Variants in KCNB2 observed in about 807,000 individuals in gnomAD.
KCNB2 encodes the protein delayed rectifier potassium channel protein.
Under a neutral mutation model 61.5 loss-of-function variants are expected in KCNB2, and 15 were observed. The observed-to-expected ratio is 0.24, with a 90% CI of 0.16 to 0.38. The LOEUF (loss-of-function observed/expected upper bound fraction) is 0.38. Ranked by LOEUF, KCNB2 falls within the 10% of genes least tolerant of loss-of-function variation. The pLI is 1.00. For synonymous variants in KCNB2, 457 were observed against 446.0 expected (o/e 1.02, Z -0.31); for missense variants, 828 against 1,125.2 (o/e 0.74, Z 3.78).
At chr8:72,882,767 T>C (rs745423019) in intron 2 of KCNB2, among the ~76,000 whole-genome samples, 10 of 152,108 alleles carry the variant, frequency 6.6e-5, no homozygotes, top group Non-Finnish European at 1.2e-4. Flanking sequence ...GCTTGCTTCA[T>C]GTTGCTCTTG....
At chr8:72,856,622 CATT>C (rs1288530708) in intron 2 of KCNB2, among the ~76,000 whole-genome samples, 1 of 152,122 alleles carries the variant, frequency 6.6e-6, no homozygotes, top group African/African-American at 2.4e-5. Context: ...AGTATTGTAT[CATT>C]ATTACCTGAA....
intron 2 of KCNB2, among the ~76,000 whole-genome samples, chr8:72,882,555 G>T (rs949954206): frequency 6.6e-6 from 1 of 150,394 alleles, no homozygotes; most frequent in Admixed American, 6.7e-5. Flanking sequence ...GAGAGAGAGA[G>T]AATGTGTGTC....
chr8:72,938,140 T>A lies in KCNB2; in HGVS notation c.*49T>A. Reference sequence around the variant, plus strand: ...AAACAAAACAAAACAAAACAAAACTTGTTTCTTAAAAATGCGGTTAATAAT... The same window carrying A: ...AAACAAAACAAAACAAAACAAAACTAGTTTCTTAAAAATGCGGTTAATAAT... On this transcript the variant is annotated 3_prime_UTR_variant, in exon 3 of 3. Coordinates refer to ENST00000523207, the MANE Select transcript of KCNB2 (RefSeq NM_004770.3). The A allele has an allele frequency of 6.9e-7, 1 of 1,442,272 alleles. No individual in the cohort carries two copies. Among genetic ancestry groups the A allele is most frequent in the Non-Finnish European group, 9.4e-7 (1 of 1,060,308 alleles). 89.3% of individuals were successfully genotyped at this position (1,442,272 alleles called of 1,614,324 possible). A position where few individuals can be genotyped will look rare whatever the true frequency, so the allele number is the denominator to read the frequency against.
intron 2 of KCNB2, among the ~76,000 whole-genome samples, chr8:72,749,099 A>G (rs1808137426): frequency 6.6e-6 from 1 of 152,050 alleles, no homozygotes; most frequent in South Asian, 2.1e-4. Flanking sequence ...TTCTACTCTG[A>G]CCAATCATTT....
chr8:72,703,002 G>A (rs1454181172), intron 2 of KCNB2, among the ~76,000 whole-genome samples: 13 of 152,172 alleles, frequency 8.5e-5, no homozygotes, highest in South Asian at 2.1e-4. Flanking sequence ...GACCACTTCC[G>A]CAGCCCATTT....
intron 2 of KCNB2, among the ~76,000 whole-genome samples, chr8:72,889,756 C>A (rs1805866028): frequency 6.6e-6 from 1 of 151,916 alleles, no homozygotes; most frequent in Non-Finnish European, 1.5e-5. Flanking sequence ...TCTTGGCACC[C>A]AAACTCCATT....
chr8:72,904,361 A>T (rs1803962269), intron 2 of KCNB2, among the ~76,000 whole-genome samples: 1 of 152,094 alleles, frequency 6.6e-6, no homozygotes, highest in Non-Finnish European at 1.5e-5. Flanking sequence ...AATTTTTTTA[A>T]CACAGGGGGT....
At chr8:72,573,665 T>C (rs1292193365) in intron 2 of KCNB2, among the ~76,000 whole-genome samples, 2 of 151,386 alleles carry the variant, frequency 1.3e-5, no homozygotes, top group East Asian at 3.9e-4. Context: ...TACCGTGCAG[T>C]GCTCTTCTCT....
chr8:72,808,287 A>G (rs1017966195), intron 2 of KCNB2, among the ~76,000 whole-genome samples: 101 of 152,340 alleles, frequency 6.6e-4, no homozygotes, highest in African/African-American at 2.4e-3. Flanking sequence ...ATCTAAATAT[A>G]TATAATAATC....
intron 2 of KCNB2, among the ~76,000 whole-genome samples, chr8:72,621,271 C>G (rs531396909): frequency 6.6e-6 from 1 of 152,316 alleles, no homozygotes; most frequent in South Asian, 2.1e-4. Flanking sequence ...CAAGAAGCTT[C>G]TGCCATCTGG....
chr8:72,546,527 A>AT (rs1806260972), intron 1 of KCNB2, among the ~76,000 whole-genome samples: 1 of 152,020 alleles, frequency 6.6e-6, no homozygotes. Context: ...AAAAAAAAAA[A>AT]AAAAGTGCAA....
In KCNB2 at chr8:72,683,873, A is replaced by C. The variant is rs138485042; in HGVS notation, c.579+115560A>C. On this transcript the variant is annotated intron_variant, in intron 2 of 2. Transcript: ENST00000523207. ...AATTAACTCATTAGGAGGCCACGGA[A>C]GATGGGGTTGGAAACGTTGGCAGGA... 1.4e-3 allele frequency among the ~76,000 whole-genome samples: 214 copies of C among 152,290 alleles called. 1 individual carries two copies. The highest frequency in any genetic ancestry group is 4.9e-3 in the African/African-American group (205 of 41,566).
At chr8:72,823,196 G>A (rs938324000) in intron 2 of KCNB2, among the ~76,000 whole-genome samples, 3 of 152,102 alleles carry the variant, frequency 2.0e-5, no homozygotes, top group South Asian at 4.2e-4. Context: ...CTTGAATAGC[G>A]TATGTTTGCT....
chr8:72,901,518 A>C (rs890364756), intron 2 of KCNB2, among the ~76,000 whole-genome samples: 31 of 152,152 alleles, frequency 2.0e-4, no homozygotes, highest in African/African-American at 7.2e-4. Context: ...TTTTTCACTT[A>C]GTGAATACCA....
In KCNB2 at chr8:72,938,323, A is replaced by G; in HGVS notation, c.*232A>G. On this transcript the variant is annotated 3_prime_UTR_variant, in exon 3 of 3. Transcript: ENST00000523207. ...AAAAATGACTGAAGAACAGTGAACA[A>G]ATAAAAAGAGCTCTATTAGGAACCA... 2.2e-6 allele frequency: 1 copy of G among 457,018 alleles called. No homozygotes were observed. Among genetic ancestry groups the G allele is most frequent in the Non-Finnish European group, 3.9e-6 (1 of 259,262 alleles). 28.3% of individuals were successfully genotyped at this position (457,018 alleles called of 1,614,324 possible). A position where few individuals can be genotyped will look rare whatever the true frequency, so the allele number is the denominator to read the frequency against.
At chr8:72,815,731 A>G (rs1440697135) in intron 2 of KCNB2, among the ~76,000 whole-genome samples, 1 of 152,124 alleles carries the variant, frequency 6.6e-6, no homozygotes, top group African/African-American at 2.4e-5. Flanking sequence ...TTTCTTTACT[A>G]AAAGAAAAGT....
At chr8:72,679,205 T>C (rs1169472357) in intron 2 of KCNB2, among the ~76,000 whole-genome samples, 1 of 152,242 alleles carries the variant, frequency 6.6e-6, no homozygotes, top group African/African-American at 2.4e-5. Flanking sequence ...GTTTTGGAAG[T>C]ACGTTGTGAA....
At position 72,761,800 on chromosome 8, in the gene KCNB2, A is replaced by G. The variant is rs550746225; in HGVS notation, c.580-174135A>G. On this transcript the variant is annotated intron_variant, in intron 2 of 2. Coordinates refer to ENST00000523207, the MANE Select transcript of KCNB2 (RefSeq NM_004770.3). ...TTTAGAATAAAATACTGTTACAAAA[A>G]AAGGAAGTCATATTCTAATATCTCC... Among the ~76,000 whole-genome samples the G allele has an allele frequency of 2.6e-5, 4 of 151,942 alleles. No individual in the cohort carries two copies. In the East Asian group the frequency reaches 7.7e-4, roughly 29 times the overall value.
Position 72,560,138 on chromosome 8 carries a change from G to A in KCNB2, c.-93-7504G>A, listed in dbSNP as rs541379205. On this transcript the variant is annotated intron_variant, in intron 1 of 2. Transcript: ENST00000523207. ...AATAGGAACAGAATGATAATTTAAA[G>A]TGTATTTTTACTATGAGACAGAGCC... Among the ~76,000 whole-genome samples the A allele has an allele frequency of 2.3e-4, 35 of 152,278 alleles. No individual in the cohort carries two copies. In the South Asian group the frequency reaches 3.7e-3, roughly 16 times the overall value.
Sources: gnomAD v4.1 joint callset for allele counts (sites outside exome capture counted in the v4.1 genomes callset) on GRCh38, gnomAD v4.1.1 for gene constraint, MANE v1.5 for transcripts, NCBI Gene and HGNC (gene_info 2026-07-23, HGNC 2026-07-21) for gene names.